The following KIFC3 variants were observed in gnomAD, a reference collection of about 807,000 sequenced individuals.
The protein encoded by KIFC3 is kinesin family member C3.
Under a neutral mutation model 101.8 loss-of-function variants are expected in KIFC3, and 60 were observed. The observed-to-expected ratio is 0.59, with a 90% CI of 0.48 to 0.73. KIFC3 has a LOEUF of 0.73. Ranked by LOEUF, KIFC3 falls within the 30% of genes least tolerant of loss-of-function variation. The probability of loss-of-function intolerance (pLI) is 0.00; values close to 1 mark genes in which losing one functional copy is unlikely to be tolerated. For synonymous variants in KIFC3, 476 were observed against 482.7 expected (o/e 0.99, Z 0.18); for missense variants, 966 against 1,137.1 (o/e 0.85, Z 2.16).
chr16:57,788,573 A>T (rs2053563560), intron 3 of KIFC3: 1 of 1,287,274 alleles, frequency 7.8e-7, no homozygotes, highest in Non-Finnish European at 1.0e-6. Context: ...GGCCTGCTTT[A>T]CCTGTATTCT....
intron 3 of KIFC3, among the ~76,000 whole-genome samples, chr16:57,780,238 C>T (rs1335569705): frequency 2.0e-5 from 3 of 152,118 alleles, no homozygotes; most frequent in Non-Finnish European, 2.9e-5. Flanking sequence ...CAGCCGGGCG[C>T]GGTGGCTCAC....
In KIFC3 at chr16:57,798,056, A is replaced by T. The variant is rs782400746; in HGVS notation, c.172+16T>A. 1.2e-4 allele frequency: 183 copies of T among 1,587,558 alleles called. 1 individual carries two copies. In the Middle Eastern group the frequency reaches 4.2e-3, roughly 36 times the overall value. ...AGGAAGGGAAATAAAGAGGCATTTT[A>T]AAAATGCGGACTCACCAGTTCTCAA... On this transcript the variant is annotated intron_variant, in intron 2 of 19. Transcript: ENST00000445690.
chr16:57,788,426 T>C (rs1172923659), intron 3 of KIFC3: 6 of 585,112 alleles, frequency 1.0e-5, no homozygotes, highest in African/African-American at 5.9e-5. Flanking sequence ...GGCTGGGGGA[T>C]TGCAGCTGCG....
Position 57,759,840 on chromosome 16 carries a change from T to C in KIFC3, c.2368-4A>G. The stretch of plus-strand genomic sequence containing the variant: ...GCGTCTGACAAGCCGGCTCCCACTG[T>C]GAGCAGGGAAGGGCGGATGGGCGGG... On this transcript the variant is annotated splice_region_variant and splice_polypyrimidine_tract_variant and intron_variant, in intron 17 of 19. Transcript: ENST00000445690. 6.2e-7 allele frequency: 1 copy of C among 1,604,980 alleles called. No homozygotes were observed. The highest frequency in any genetic ancestry group is 8.5e-7 in the Non-Finnish European group (1 of 1,176,226).
chr16:57,788,406 G>C (rs550112261), intron 3 of KIFC3, among the ~76,000 whole-genome samples: 1 of 152,224 alleles, frequency 6.6e-6, no homozygotes, highest in African/African-American at 2.4e-5. Context: ...CCCTGAATCC[G>C]GGAGAGGCAG....
intron 1 of KIFC3, among the ~76,000 whole-genome samples, chr16:57,832,622 G>A (rs868911367): frequency 1.2e-4 from 18 of 152,172 alleles, no homozygotes; most frequent in Middle Eastern, 3.4e-3. Context: ...GCCGCAAGGT[G>A]AATTTTTTTT....
intron 11 of KIFC3, 28 bp from the exon 12 acceptor site, chr16:57,764,275 T>TGGGGGGGGG: frequency 3.7e-6 from 2 of 539,896 alleles, no homozygotes; most frequent in Non-Finnish European, 7.1e-6. Context: ...GGGAGGCTGG[T>TGGGGGGGGG]GGGGGGGCTT....
chr16:57,783,330 G>C (rs1463618824), intron 3 of KIFC3, among the ~76,000 whole-genome samples: 1 of 152,152 alleles, frequency 6.6e-6, no homozygotes, highest in East Asian at 1.9e-4. Flanking sequence ...CTGTTGGAGT[G>C]ATGAAGACGT....
At chr16:57,763,784 C>G (rs1170402462) in intron 12 of KIFC3, among the ~76,000 whole-genome samples, 2 of 152,168 alleles carry the variant, frequency 1.3e-5, no homozygotes, top group Non-Finnish European at 2.9e-5. Flanking sequence ...AGGCCCGGCC[C>G]AAGGCAGCGG....
chr16:57,855,687 C>T (rs768691900), intron 1 of KIFC3, among the ~76,000 whole-genome samples: 13 of 151,702 alleles, frequency 8.6e-5, no homozygotes, highest in Non-Finnish European at 1.3e-4. Flanking sequence ...GGCTCAGGCC[C>T]GTAATCTCAG....
Position 57,772,766 on chromosome 16 carries a change from G to A in KIFC3, c.316-478C>T, listed in dbSNP as rs1324004289. ...CCCAGCCCCCAGAATTTTCCACTTG[G>A]GGTGGTCTCTGGCAAGTCAGCCTGT... On this transcript the variant is annotated intron_variant, in intron 3 of 19. Transcript: ENST00000445690. Among the ~76,000 whole-genome samples, 3 of 152,174 alleles carry A rather than the reference G, an allele frequency of 2.0e-5. No individual in the cohort carries two copies. The East Asian group carries it at 5.8e-4, about 29-fold the overall frequency.
In KIFC3 at chr16:57,769,599, G is replaced by A; in HGVS notation, c.1214C>T (p.Ala405Val). ...LLQEALRSVK[A>V]EIGQAIEEVN... ...CCACCCACTGCCCTCGCTCACCTCGGCCTTGACACTCCTGAGGGCCTCCTG... is the reference window on the plus strand; with the variant it reads ...CCACCCACTGCCCTCGCTCACCTCGACCTTGACACTCCTGAGGGCCTCCTG... The change falls in exon 9 of 20, where the codon GCC (alanine) becomes GTC (valine). Residue 405 changes from alanine to valine, a missense_variant. By Grantham distance (64) the Ala-to-Val change is moderately conservative. This residue lies in a region of KIFC3 where 689 missense variants were observed against 884.6 expected (regional missense o/e 0.78). Coordinates refer to ENST00000445690, the MANE Select transcript of KIFC3 (RefSeq NM_001130100.2). The surrounding 1 kb of genome is among the most constrained non-coding windows in gnomAD (Gnocchi z 4.3). 1 of 1,609,944 alleles carries A rather than the reference G, an allele frequency of 6.2e-7. No individual in the cohort carries two copies. The highest frequency in any genetic ancestry group is 8.5e-7 in the Non-Finnish European group (1 of 1,179,674).
At chr16:57,856,443 A>G (rs543278324) in intron 1 of KIFC3, among the ~76,000 whole-genome samples, 2 of 137,336 alleles carry the variant, frequency 1.5e-5, no homozygotes, top group Admixed American at 1.5e-4. Flanking sequence ...CCTGGGTGAC[A>G]GAGACCGTGT....
intron 6 of KIFC3, among the ~76,000 whole-genome samples, chr16:57,770,959 G>A (rs1471516727): frequency 6.6e-6 from 1 of 152,210 alleles, no homozygotes; most frequent in Non-Finnish European, 1.5e-5. Context: ...AAAAAGACGA[G>A]GGCAGAATCC....
intron 7 of KIFC3, 101 bp downstream of exon 7, chr16:57,770,426 C>T (rs2051011345): frequency 2.7e-6 from 3 of 1,101,774 alleles, no homozygotes; most frequent in East Asian, 6.2e-5. Context: ...AGGGACTGGA[C>T]CCCGTGTCTG....
At chr16:57,830,220 C>CCTTT (rs1354578756) in intron 1 of KIFC3, among the ~76,000 whole-genome samples, 7 of 150,276 alleles carry the variant, frequency 4.7e-5, no homozygotes, top group African/African-American at 1.2e-4. Flanking sequence ...TGACTGTTTT[C>CCTTT]CTTTCTTTTT....
chr16:57,782,392 A>G (rs1265745093), intron 3 of KIFC3: 11 of 152,430 alleles, frequency 7.2e-5, no homozygotes, highest in African/African-American at 2.4e-4. Flanking sequence ...AGCAACACCA[A>G]TGACTCACTA....
chr16:57,857,039 T>C (rs909001252), intron 1 of KIFC3, among the ~76,000 whole-genome samples: 2 of 152,148 alleles, frequency 1.3e-5, no homozygotes, highest in African/African-American at 2.4e-5. Flanking sequence ...ATGAATCTGA[T>C]GGATTGCTAT....
At chr16:57,797,754 C>T in intron 2 of KIFC3, 1 of 1,264,750 alleles carries the variant, frequency 7.9e-7, no homozygotes, top group Non-Finnish European at 1.0e-6. Context: ...ACGCTCTTGG[C>T]CAAGGACGGC....
Sources: allele counts gnomAD v4.1 joint callset (sites outside exome capture counted in the v4.1 genomes callset), GRCh38; gene constraint gnomAD v4.1.1; regional missense constraint gnomAD v4.1.1; non-coding constraint Gnocchi (gnomAD v3.1); transcripts MANE v1.5; gene names NCBI Gene and HGNC (gene_info 2026-07-23, HGNC 2026-07-21).